Variants in FAM210B observed in about 807,000 individuals in gnomAD.
The protein encoded by FAM210B is mitochondrial inner membrane scaffold 2, also known as family with sequence similarity 210 member B.
A neutral mutation model predicts 14.9 loss-of-function variants in FAM210B; 11 were observed. The ratio of observed to expected loss-of-function variants is 0.74; its 90% CI spans 0.46 to 1.22. FAM210B has a LOEUF of 1.22. Among genes scored for constraint, FAM210B ranks in the 50% most tolerant of loss-of-function variants. The pLI is 0.00. For synonymous variants in FAM210B, 113 were observed against 110.2 expected, an observed-to-expected ratio of 1.03 and a Z score of -0.16; for missense variants, 229 against 250.1, an observed-to-expected ratio of 0.92 and a Z score of 0.57.
chr20:56,365,280 A>G lies in FAM210B; in HGVS notation c.362+18A>G. On this transcript the variant is annotated intron_variant, in intron 2 of 2. Coordinates refer to ENST00000371384, the MANE Select transcript of FAM210B (RefSeq NM_080821.3). ...GTGTCAAGGTAAGATTTTTGACAGT[A>G]ATTAATATTTGTTTTTTACTGTCAT... is the stretch of plus-strand genomic sequence containing the variant. 1 of 1,603,086 alleles carries G rather than the reference A, an allele frequency of 6.2e-7. No individual in the cohort carries two copies. The highest frequency in any genetic ancestry group is 2.2e-5 in the East Asian group (1 of 44,744).
In FAM210B at chr20:56,359,080, C is replaced by T. The variant is rs1437187082; in HGVS notation, c.75C>T (p.Leu25=). ...GGGTCCGGCCTCGCGCCACCTGGCTCCTGGGCGCCACCGCCCCCTGCGCCC... is the reference window on the plus strand; with the variant it reads ...GGGTCCGGCCTCGCGCCACCTGGCTTCTGGGCGCCACCGCCCCCTGCGCCC... ...GARVRPRATW[L]LGATAPCAPP... is the part of the protein sequence containing the mutation. Residue 25 remains leucine (L), a synonymous_variant, in exon 1 of 3, where the codon CTC becomes CTT. Transcript: ENST00000371384. This position sits in a 1 kb window ranked among gnomAD's most constrained non-coding sequence, Gnocchi z 4.3. The T allele has an allele frequency of 2.2e-6, 3 of 1,354,064 alleles. No homozygotes were observed. Among genetic ancestry groups the T allele is most frequent in the African/African-American group, 1.5e-5 (1 of 65,690 alleles). The allele number at this position is 1,354,064 out of a possible 1,614,324, so 83.9% of individuals were successfully genotyped here.
chr20:56,360,358 G>A lies in FAM210B; in HGVS notation c.186+1167G>A, dbSNP rs1293518256. 10 of 418,766 alleles carry A rather than the reference G, an allele frequency of 2.4e-5. No homozygotes were observed. In the East Asian group the frequency reaches 5.7e-4, roughly 24 times the overall value. 25.9% of individuals were successfully genotyped at this position (418,766 alleles called of 1,614,324 possible). A position where few individuals can be genotyped will look rare whatever the true frequency, so the allele number is the denominator to read the frequency against. On this transcript the variant is annotated intron_variant, in intron 1 of 2. Coordinates refer to ENST00000371384, the MANE Select transcript of FAM210B (RefSeq NM_080821.3). The stretch of plus-strand genomic sequence containing the variant: ...TCCACTGGGCCTGCTTCCACCCCAT[G>A]GCTGTGGGTCTTCTCTGCACTCATC...
rs775998888 is a variant in FAM210B at position 56,366,314 on chromosome 20, A to C, written c.*27A>C. The C allele has an allele frequency of 6.3e-7, 1 of 1,594,596 alleles. No homozygotes were observed. The highest frequency in any genetic ancestry group is 1.1e-5 in the South Asian group (1 of 90,610). On this transcript the variant is annotated 3_prime_UTR_variant, in exon 3 of 3. Transcript: ENST00000371384. ...GAACTCTTCAGTCGTACACACTGAA[A>C]ACCTATTTCTTCTAAATTACATGAT...
At position 56,366,411 on chromosome 20, in the gene FAM210B, C is replaced by T. The variant is rs1332361627; in HGVS notation, c.*124C>T. ...GGTAGGGGGCTAATTGCTATGTTCT[C>T]ATGGATAAACTTTGCCAGCAAAAAT... is the stretch of plus-strand genomic sequence containing the variant. On this transcript the variant is annotated 3_prime_UTR_variant, in exon 3 of 3. Coordinates refer to ENST00000371384, the MANE Select transcript of FAM210B (RefSeq NM_080821.3). 6.9e-6 allele frequency: 6 copies of T among 866,978 alleles called. No individual in the cohort carries two copies. Among genetic ancestry groups the T allele is most frequent in the Non-Finnish European group, 8.8e-6 (5 of 568,020 alleles). The allele number at this position is 866,978 out of a possible 1,614,324, so 53.7% of individuals were successfully genotyped here.
At chr20:56,365,925 T>TAG in intron 2 of FAM210B, 146 bp from the exon 3 acceptor site, 2 of 570,958 alleles carry the variant, frequency 3.5e-6, no homozygotes, top group Non-Finnish European at 5.7e-6. Context: ...ATTACAGGCG[T>TAG]GAGCCACTGC....
intron 1 of FAM210B, chr20:56,360,325 C>A (rs971263629): frequency 1.3e-5 from 6 of 450,486 alleles, no homozygotes; most frequent in Admixed American, 9.6e-5. Context: ...TGTGAGGTCT[C>A]GGATGCCTCC....
At position 56,363,425 on chromosome 20, in the gene FAM210B, G is replaced by A. The variant is rs543555958; in HGVS notation, c.187-1662G>A. 2.0e-5 allele frequency among the ~76,000 whole-genome samples: 3 copies of A among 152,268 alleles called. No homozygotes were observed. The highest frequency in any genetic ancestry group is 1.9e-4 in the East Asian group (1 of 5,186). On this transcript the variant is annotated intron_variant, in intron 1 of 2. Coordinates refer to ENST00000371384, the MANE Select transcript of FAM210B (RefSeq NM_080821.3). The surrounding 1 kb of genome is among the most constrained non-coding windows in gnomAD (Gnocchi z 4.1). ...GGCTCAGCAGAAGGGACCTGTCATCGGGACACTGAGGGTTTTCCTCAAATG... is the reference window on the plus strand; with the variant it reads ...GGCTCAGCAGAAGGGACCTGTCATCAGGACACTGAGGGTTTTCCTCAAATG...
Position 56,362,152 on chromosome 20 carries a change from C to T in FAM210B, c.187-2935C>T, listed in dbSNP as rs1600662991. Among the ~76,000 whole-genome samples, 1 of 152,030 alleles carries T rather than the reference C, an allele frequency of 6.6e-6. No homozygotes were observed. The highest frequency in any genetic ancestry group is 1.5e-5 in the Non-Finnish European group (1 of 68,018). ...AACAGTGCCTAGTACAGAATATACA[C>T]AATATAGTGTTTATTATTAATATGA... On this transcript the variant is annotated intron_variant, in intron 1 of 2. Coordinates refer to ENST00000371384, the MANE Select transcript of FAM210B (RefSeq NM_080821.3). The surrounding 1 kb of genome is among the most constrained non-coding windows in gnomAD (Gnocchi z 4.8).
chr20:56,360,366 G>A (rs1983509687), intron 1 of FAM210B: 1 of 412,222 alleles, frequency 2.4e-6, no homozygotes, highest in Admixed American at 2.7e-5. Context: ...ATGGCTGTGG[G>A]TCTTCTCTGC....
rs1983703945 is a variant in FAM210B at position 56,368,593 on chromosome 20, T to G, written c.*2306T>G. On this transcript the variant is annotated 3_prime_UTR_variant, in exon 3 of 3. Transcript: ENST00000371384. ...GCATTATGTGAATTCACCAGCAAGA[T>G]GTACAGAACGCCTGTGTTTACATTG... is the stretch of plus-strand genomic sequence containing the variant. 6.6e-6 allele frequency: 1 copy of G among 152,206 alleles called. No homozygotes were observed. Among genetic ancestry groups the G allele is most frequent in the Non-Finnish European group, 1.5e-5 (1 of 68,038 alleles). 9.4% of individuals were successfully genotyped at this position (152,206 alleles called of 1,614,324 possible).
In FAM210B at chr20:56,359,176, C is replaced by G; in HGVS notation, c.171C>G (p.Asp57Glu). Residue 57 changes from aspartate to glutamate, a missense_variant, in exon 1 of 3, where the codon GAC (aspartate) becomes GAG (glutamate). Asp to Glu is a conservative substitution (Grantham distance 45, BLOSUM62 2). Transcript: ENST00000371384. The surrounding 1 kb of genome is among the most constrained non-coding windows in gnomAD (Gnocchi z 4.3). Reference sequence around the variant, plus strand: ...GGCTGCTCCGCACGGCGCGCGGGGACTGCCGCGGCCACCAGGTAAGCACCC... The same window carrying G: ...GGCTGCTCCGCACGGCGCGCGGGGAGTGCCGCGGCCACCAGGTAAGCACCC... Reference protein sequence around the residue: ...DARLLRTARGDCRGHQDPSQA... With the variant: ...DARLLRTARGECRGHQDPSQA... 4.9e-6 allele frequency: 6 copies of G among 1,236,774 alleles called. No homozygotes were observed. In the South Asian group the frequency reaches 1.6e-4, roughly 32 times the overall value. The allele number at this position is 1,236,774 out of a possible 1,614,324, so 76.6% of individuals were successfully genotyped here.
chr20:56,363,016 C>T lies in FAM210B; in HGVS notation c.187-2071C>T, dbSNP rs1983563734. On this transcript the variant is annotated intron_variant, in intron 1 of 2. Transcript: ENST00000371384. The surrounding 1 kb of genome is among the most constrained non-coding windows in gnomAD (Gnocchi z 4.1). Reference sequence around the variant, plus strand: ...GTGGGGCTTGTTTATCAGGAAGAACCGATGCCCTCCACAGCCATCCTGGCC... The same window carrying T: ...GTGGGGCTTGTTTATCAGGAAGAACTGATGCCCTCCACAGCCATCCTGGCC... Among the ~76,000 whole-genome samples the T allele has an allele frequency of 6.6e-6, 1 of 152,178 alleles. No individual in the cohort carries two copies. The highest frequency in any genetic ancestry group is 1.5e-5 in the Non-Finnish European group (1 of 68,030).
rs1983602920 is a variant in FAM210B, at chr20:56,365,107, G to A, written c.207G>A (p.Gly69=). The change falls in exon 2 of 3, where the codon GGG becomes GGA. Residue 69 remains glycine (G), a synonymous_variant. Transcript: ENST00000371384. ...CACAGGACCCCAGCCAGGCCACGGG[G>A]ACAACAGGCAGCAGCGTCAGCTGCA... ...RGHQDPSQAT[G]TTGSSVSCTE... 3 of 1,613,482 alleles carry A rather than the reference G, an allele frequency of 1.9e-6. No homozygotes were observed. Among genetic ancestry groups the A allele is most frequent in the Non-Finnish European group, 2.5e-6 (3 of 1,180,008 alleles).
Position 56,366,213 on chromosome 20 carries a change from C to T in FAM210B, c.505C>T (p.Leu169=). Residue 169 remains leucine (L), a synonymous_variant, in exon 3 of 3, where the codon CTA becomes TTA. Transcript: ENST00000371384. Reference sequence around the variant, plus strand: ...TGCGCCAGTGAGAATCAGCATTACGCTAGTCTCTGTGCCCTTGATTGTCAG... The same window carrying T: ...TGCGCCAGTGAGAATCAGCATTACGTTAGTCTCTGTGCCCTTGATTGTCAG... ...LFAPVRISIT[L]VSVPLIVRYF... 1 of 1,614,210 alleles carries T rather than the reference C, an allele frequency of 6.2e-7. No individual in the cohort carries two copies. The highest frequency in any genetic ancestry group is 1.1e-5 in the South Asian group (1 of 91,088).
In FAM210B at chr20:56,366,637, TCA is replaced by T. The variant is rs1447742555; in HGVS notation, c.*351_*352del. The T allele has an allele frequency of 9.7e-6, 2 of 205,170 alleles. No individual in the cohort carries two copies. Among genetic ancestry groups the T allele is most frequent in the African/African-American group, 4.7e-5 (2 of 42,708 alleles). 12.7% of individuals were successfully genotyped at this position (205,170 alleles called of 1,614,324 possible). ...AAAGCACCAGGGGGTTAATCTTGGC[TCA>T]GTTTCCTAAAAAGCATTGATTAATT... On this transcript the variant is annotated 3_prime_UTR_variant, in exon 3 of 3. Transcript: ENST00000371384.
At chr20:56,360,143 C>A in intron 1 of FAM210B, 1 of 466,664 alleles carries the variant, frequency 2.1e-6, no homozygotes. Context: ...TTTCATCATG[C>A]CTCCTGCCCA....
At chr20:56,365,938 C>G in intron 2 of FAM210B, 133 bp from the exon 3 acceptor site, 1 of 623,810 alleles carries the variant, frequency 1.6e-6, no homozygotes, top group Non-Finnish European at 2.5e-6. Context: ...GCCACTGCAC[C>G]TGGCCACTAA....
rs184909124 is a variant in FAM210B, at chr20:56,366,855, G to T, written c.*568G>T. 1.7e-3 allele frequency: 265 copies of T among 153,348 alleles called. No individual in the cohort carries two copies. The highest frequency in any genetic ancestry group is 3.0e-3 in the Non-Finnish European group (207 of 68,786). 9.5% of individuals were successfully genotyped at this position (153,348 alleles called of 1,614,324 possible). On this transcript the variant is annotated 3_prime_UTR_variant, in exon 3 of 3. Coordinates refer to ENST00000371384, the MANE Select transcript of FAM210B (RefSeq NM_080821.3). ...GTTTGGGGGAAGAAAAGTAGTTCTGGTATGTTTCATTGATCCCCAGATACC... is the reference window on the plus strand; with the variant it reads ...GTTTGGGGGAAGAAAAGTAGTTCTGTTATGTTTCATTGATCCCCAGATACC...
At position 56,364,870 on chromosome 20, in the gene FAM210B, T is replaced by C. The variant is rs572000999; in HGVS notation, c.187-217T>C. On this transcript the variant is annotated intron_variant, in intron 1 of 2. Transcript: ENST00000371384. Reference sequence around the variant, plus strand: ...TTGAGAGGCTGAGGCAAAAGAATCCTTTGAACCAGGGAGGTGGAGGTTGCA... The same window carrying C: ...TTGAGAGGCTGAGGCAAAAGAATCCCTTGAACCAGGGAGGTGGAGGTTGCA... Among the ~76,000 whole-genome samples, 201 of 152,128 alleles carry C rather than the reference T, an allele frequency of 1.3e-3. 2 individuals carry two copies. Among genetic ancestry groups the C allele is most frequent in the South Asian group, 0.01 (49 of 4,824 alleles).
Sources: gnomAD v4.1 joint callset for allele counts (sites outside exome capture counted in the v4.1 genomes callset) on GRCh38, gnomAD v4.1.1 for gene constraint, Gnocchi (gnomAD v3.1) non-coding constraint, MANE v1.5 for transcripts, NCBI Gene and HGNC (gene_info 2026-07-23, HGNC 2026-07-21) for gene names.